Variants in PSMF1 observed in about 807,000 individuals in gnomAD.
The protein encoded by PSMF1 is proteasome inhibitor subunit 1, also known as proteasome inhibitor PI31 subunit.
Under a neutral mutation model 29.3 loss-of-function variants are expected in PSMF1, and 30 were observed. The observed-to-expected ratio is 1.02, with a 90% confidence interval of 0.77 to 1.39. The LOEUF (loss-of-function observed/expected upper bound fraction) is 1.39, where lower values mean the gene tolerates loss of function less well. PSMF1 is among the 40% of genes most tolerant of loss of function. The pLI, the probability that PSMF1 is intolerant of heterozygous loss-of-function variation, is 0.00. For synonymous variants in PSMF1, 134 were observed against 139.7 expected (o/e 0.96, Z 0.29); for missense variants, 344 against 357.5 (o/e 0.96, Z 0.31).
intron 4 of PSMF1, among the ~76,000 whole-genome samples, chr20:1,160,088 G>A (rs1043331513): frequency 6.6e-6 from 1 of 151,650 alleles, no homozygotes; most frequent in Non-Finnish European, 1.5e-5. Flanking sequence ...TATGCATTAC[G>A]GAAAAAACAG....
chr20:1,130,479 T>C (rs545961172), intron 3 of PSMF1, among the ~76,000 whole-genome samples: 1 of 152,334 alleles, frequency 6.6e-6, no homozygotes, highest in East Asian at 1.9e-4. Flanking sequence ...GTGTCATTCT[T>C]CTGCCCTCTT....
chr20:1,161,156 G>T (rs2086662302), intron 4 of PSMF1: 7 of 356,988 alleles, frequency 2.0e-5, no homozygotes, highest in Middle Eastern at 5.2e-4. Context: ...TTCTCACAGA[G>T]TACGACTACA....
At chr20:1,120,815 T>C (rs1167120444) in intron 1 of PSMF1, among the ~76,000 whole-genome samples, 1 of 152,174 alleles carries the variant, frequency 6.6e-6, no homozygotes, top group African/African-American at 2.4e-5. Flanking sequence ...CTCACTCCCC[T>C]TACCTACTCC....
intron 3 of PSMF1, among the ~76,000 whole-genome samples, chr20:1,132,790 C>T (rs2086247011): frequency 6.6e-6 from 1 of 151,884 alleles, no homozygotes; most frequent in South Asian, 2.1e-4. Context: ...CATATAGATC[C>T]TGTACATAGC....
At chr20:1,142,169 C>G (rs1261557204) in intron 4 of PSMF1, among the ~76,000 whole-genome samples, 1 of 152,210 alleles carries the variant, frequency 6.6e-6, no homozygotes, top group African/African-American at 2.4e-5. Context: ...TTGCAGTGAG[C>G]TGAGATCGCG....
chr20:1,145,918 ATTT>A (rs2086443693), intron 4 of PSMF1, among the ~76,000 whole-genome samples: 1 of 151,730 alleles, frequency 6.6e-6, no homozygotes, highest in African/African-American at 2.4e-5. Flanking sequence ...CCACTCAGTT[ATTT>A]TTGTCTGATG....
upstream of PSMF1, among the ~76,000 whole-genome samples, chr20:1,116,996 G>GC (rs1244118264): frequency 6.6e-6 from 1 of 152,232 alleles, no homozygotes; most frequent in Admixed American, 6.5e-5. Flanking sequence ...GGAAGCTACT[G>GC]CAATAGTCTA....
intron 4 of PSMF1, among the ~76,000 whole-genome samples, chr20:1,147,709 C>T (rs1250742218): frequency 6.6e-6 from 1 of 152,208 alleles, no homozygotes; most frequent in Non-Finnish European, 1.5e-5. Context: ...CCACTCCCTG[C>T]TTATTCCTTG....
At chr20:1,149,471 A>G (rs929923363) in intron 4 of PSMF1, among the ~76,000 whole-genome samples, 16 of 152,236 alleles carry the variant, frequency 1.1e-4, no homozygotes, top group African/African-American at 3.1e-4. Flanking sequence ...ATTATACAAT[A>G]TCATTGCTAA....
intron 3 of PSMF1, among the ~76,000 whole-genome samples, chr20:1,130,753 C>A (rs116926541): frequency 0.011 from 1,735 of 152,340 alleles, 17 homozygotes; most frequent in Non-Finnish European, 0.019. Flanking sequence ...AAGTGACCCT[C>A]CCACCTGAGC....
rs1355424751 is a variant in PSMF1 at position 1,135,130 on chromosome 20, G to A, written c.375G>A (p.Lys125=). The A allele has an allele frequency of 6.2e-7, 1 of 1,614,016 alleles. No homozygotes were observed. The highest frequency in any genetic ancestry group is 8.5e-7 in the Non-Finnish European group (1 of 1,180,014). ...CATCTGCTTCCTGCAGGACCTACAA[G>A]AACAGTGAGGAGCTTCGGTCTCGTA... ...EHLGDFHRTY[K]NSEELRSRIV... Residue 125 remains lysine, a synonymous_variant, in exon 4 of 7, where the codon AAG becomes AAA. Coordinates refer to ENST00000335877, the MANE Select transcript of PSMF1 (RefSeq NM_006814.5).
intron 4 of PSMF1, among the ~76,000 whole-genome samples, chr20:1,140,075 GT>G (rs1186222363): frequency 6.6e-6 from 1 of 152,146 alleles, no homozygotes; most frequent in Non-Finnish European, 1.5e-5. Context: ...CAGGTTTTGG[GT>G]TTTTCCCCCC....
intron 3 of PSMF1, chr20:1,134,858 C>T (rs1342373823): frequency 1.9e-6 from 1 of 540,042 alleles, no homozygotes; most frequent in Non-Finnish European, 3.4e-6. Context: ...CCCCTACACC[C>T]TCACCTCTTT....
intron 1 of PSMF1, among the ~76,000 whole-genome samples, chr20:1,120,441 C>G (rs1205390493): frequency 6.6e-6 from 1 of 152,168 alleles, no homozygotes; most frequent in Non-Finnish European, 1.5e-5. Flanking sequence ...TTCCACATAC[C>G]TTCCAAATGT....
chr20:1,151,296 G>A (rs1336719367), intron 4 of PSMF1, among the ~76,000 whole-genome samples: 1 of 152,202 alleles, frequency 6.6e-6, no homozygotes, highest in Non-Finnish European at 1.5e-5. Context: ...TTGCAGGTAA[G>A]GAAGCTGAAG....
rs984515091 is a variant in PSMF1 at position 1,164,903 on chromosome 20, G to A, written c.765-126G>A. The A allele has an allele frequency of 6.0e-5, 51 of 854,714 alleles. No individual in the cohort carries two copies. Among genetic ancestry groups the A allele is most frequent in the Non-Finnish European group, 8.9e-5 (46 of 515,226 alleles). The allele number at this position is 854,714 out of a possible 1,614,324, so 52.9% of individuals were successfully genotyped here. On this transcript the variant is annotated intron_variant, in intron 6 of 6. Transcript: ENST00000335877. This position sits in a 1 kb window ranked among gnomAD's most constrained non-coding sequence, Gnocchi z 4.1. ...CCGGTTGTCTGGCTCTTGAGTGCAT[G>A]TGTTTAAATTCCTCACACCGCCACA...
upstream of PSMF1, among the ~76,000 whole-genome samples, chr20:1,116,556 C>A (rs1301001269): frequency 6.6e-6 from 1 of 152,120 alleles, no homozygotes; most frequent in African/African-American, 2.4e-5. Flanking sequence ...GTAAGAGTGC[C>A]CTGACTGGGT....
chr20:1,165,963 TA>T lies in PSMF1; in HGVS notation c.*886del. ...GAAATTGGAGGTGGCTTTCCTGCTC[TA>T]AAGCATTTTGATGTCTCATTCTGTG... On this transcript the variant is annotated 3_prime_UTR_variant, in exon 7 of 7. Coordinates refer to ENST00000335877, the MANE Select transcript of PSMF1 (RefSeq NM_006814.5). 7.2e-7 allele frequency: 1 copy of T among 1,384,180 alleles called. No homozygotes were observed. Among genetic ancestry groups the T allele is most frequent in the Non-Finnish European group, 9.4e-7 (1 of 1,067,816 alleles). The allele number at this position is 1,384,180 out of a possible 1,614,324, so 85.7% of individuals were successfully genotyped here. A position where few individuals can be genotyped will look rare whatever the true frequency, so the allele number is the denominator to read the frequency against.
chr20:1,135,375 T>TGCCACTTGACCCCATCCC (rs1456000590), intron 4 of PSMF1, 69 bp downstream of exon 4: 36 of 1,461,168 alleles, frequency 2.5e-5, no homozygotes, highest in Non-Finnish European at 3.2e-5. Flanking sequence ...ATCCCCATCC[T>TGCCACTTGACCCCATCCC]GCCACTTGAC....
Sources: gnomAD v4.1 joint callset for allele counts (sites outside exome capture counted in the v4.1 genomes callset) on GRCh38, gnomAD v4.1.1 for gene constraint, Gnocchi (gnomAD v3.1) non-coding constraint, MANE v1.5 for transcripts, NCBI Gene and HGNC (gene_info 2026-07-23, HGNC 2026-07-21) for gene names.